NLRP11: variants seen among roughly 807,000 people sequenced by gnomAD.
NLRP11 encodes NLR family pyrin domain containing 11, also known as NACHT, LRR and PYD domains-containing protein 11.
Under a neutral mutation model 79.3 loss-of-function variants are expected in NLRP11, and 53 were observed. The ratio of observed to expected loss-of-function variants is 0.67; its 90% CI spans 0.54 to 0.84. NLRP11 has a LOEUF of 0.84. Among genes scored for constraint, NLRP11 ranks in the 40% least tolerant of loss-of-function variants. NLRP11 has a pLI of 0.00. For synonymous variants in NLRP11, 518 were observed against 462.6 expected, an observed-to-expected ratio of 1.12 and a Z score of -1.54; for missense variants, 1,264 against 1,255.0, an observed-to-expected ratio of 1.01 and a Z score of -0.11.
intron 4 of NLRP11, among the ~76,000 whole-genome samples, chr19:55,804,841 G>C (rs1207510025): frequency 6.6e-6 from 1 of 152,084 alleles, no homozygotes; most frequent in African/African-American, 2.4e-5. Flanking sequence ...GAGACAGGTG[G>C]ATCACGAGGT....
rs373030640 is a variant in NLRP11 at position 55,809,379 on chromosome 19, T to C, written c.1231A>G (p.Asn411Asp). The C allele has an allele frequency of 2.5e-6, 4 of 1,614,124 alleles. No homozygotes were observed. Among genetic ancestry groups the C allele is most frequent in the Admixed American group, 1.7e-5 (1 of 60,010 alleles). Residue 411 changes from asparagine to aspartate, a missense_variant, in exon 3 of 10, where the codon AAT becomes GAT. Physicochemically the swap from Asn to Asp is conservative, Grantham distance 23. Transcript: ENST00000589093. The surrounding 1 kb of genome is among the most constrained non-coding windows in gnomAD (Gnocchi z 4.5). ...CATCTGAGGTCTTCACCACTGAAAT[T>C]CAGGGTGCTCAGAAACAGTCCTCCT...
intron 6 of NLRP11, among the ~76,000 whole-genome samples, chr19:55,794,962 G>T (rs1336231346): frequency 6.6e-6 from 1 of 152,060 alleles, no homozygotes; most frequent in African/African-American, 2.4e-5. Context: ...GCCAAAAATG[G>T]GCGAAACAAA....
In NLRP11 at chr19:55,824,066, C is replaced by T. The variant is rs1279225414; in HGVS notation, c.-62-5830G>A. ...CCCATCAGACTAACAGCAGATCTCTCGGCAGAAACCCTACAAGCCAGAAGA... is the reference window on the plus strand; with the variant it reads ...CCCATCAGACTAACAGCAGATCTCTTGGCAGAAACCCTACAAGCCAGAAGA... On this transcript the variant is annotated intron_variant, in intron 1 of 9. Transcript: ENST00000589093. Among the ~76,000 whole-genome samples the T allele has an allele frequency of 4.5e-4, 49 of 107,954 alleles. 10 individuals carry two copies. Among genetic ancestry groups the T allele is most frequent in the African/African-American group, 2.2e-3 (44 of 19,648 alleles). The allele number at this position is 107,954 out of a possible 152,430, so 70.8% of individuals were successfully genotyped here.
intron 5 of NLRP11, 25 bp from the exon 6 acceptor site, chr19:55,796,275 A>G (rs747841772): frequency 5.0e-6 from 8 of 1,599,408 alleles, no homozygotes; most frequent in Middle Eastern, 3.4e-4. Flanking sequence ...CAGAAATGAA[A>G]AGAGGCTCCC....
At chr19:55,794,805 A>G (rs1325876075) in intron 6 of NLRP11, among the ~76,000 whole-genome samples, 3 of 152,232 alleles carry the variant, frequency 2.0e-5, no homozygotes, top group Non-Finnish European at 2.9e-5. Flanking sequence ...ATATTACATA[A>G]TATGAACAGG....
In NLRP11 at chr19:55,829,127, CAG is replaced by C. The variant is rs986055851; in HGVS notation, c.-63+2834_-63+2835del. Among the ~76,000 whole-genome samples, 53 of 151,658 alleles carry C rather than the reference CAG, an allele frequency of 3.5e-4. 2 individuals are homozygous for C. The highest frequency in any genetic ancestry group is 3.3e-3 in the Admixed American group (51 of 15,224). ...GAGGGTATGAAATGTTGGTGTAAAA[CAG>C]TGTTTTGCCTTTTGAGAAAAGTAAG... On this transcript the variant is annotated intron_variant, in intron 1 of 9. Coordinates refer to ENST00000589093, the Ensembl canonical transcript of NLRP11.
rs1444762625 is a variant in NLRP11 at position 55,793,226 on chromosome 19, T to C, written c.2343-755A>G. Among the ~76,000 whole-genome samples the C allele has an allele frequency of 2.6e-5, 4 of 152,164 alleles. No homozygotes were observed. In the East Asian group the frequency reaches 5.8e-4, roughly 22 times the overall value. ...CGTTTTCTGTTTGCCCTGGGAATAC[T>C]GCACTGGCAGTGAGCTGCACTTTTT... On this transcript the variant is annotated intron_variant, in intron 6 of 9. Coordinates refer to ENST00000589093, the Ensembl canonical transcript of NLRP11.
intron 1 of NLRP11, among the ~76,000 whole-genome samples, chr19:55,830,270 T>A (rs1339505941): frequency 6.6e-6 from 1 of 152,146 alleles, no homozygotes. Context: ...CTCCTTTGAC[T>A]TCTATTTCAC....
At position 55,809,939 on chromosome 19, in the gene NLRP11, A is replaced by G; in HGVS notation, c.671T>C (p.Leu224Pro). The G allele has an allele frequency of 6.2e-7, 1 of 1,614,122 alleles. No individual in the cohort carries two copies. The highest frequency in any genetic ancestry group is 8.5e-7 in the Non-Finnish European group (1 of 1,179,994). Residue 224 changes from leucine to proline, a missense_variant, in exon 3 of 10, where the codon CTC becomes CCC. Physicochemically the swap from Leu to Pro is moderately conservative, Grantham distance 98 (BLOSUM62 -3). Transcript: ENST00000589093. The surrounding 1 kb of genome is among the most constrained non-coding windows in gnomAD (Gnocchi z 4.5). ...GTCCAAGTCCTCGAGGATGAAAAGG[A>G]GTTTCTTGGGATCAGACAGGATGTC...
chr19:55,788,519 T>A (rs751937357), intron 9 of NLRP11, among the ~76,000 whole-genome samples: 1 of 151,384 alleles, frequency 6.6e-6, no homozygotes. Context: ...GGTGGACAGA[T>A]CATGAGGTCA....
intron 4 of NLRP11, among the ~76,000 whole-genome samples, chr19:55,805,838 C>A (rs1158291864): frequency 2.6e-5 from 4 of 152,206 alleles, no homozygotes; most frequent in African/African-American, 9.7e-5. Flanking sequence ...CTGCACCCGC[C>A]CTAAAAGTCT....
intron 4 of NLRP11, among the ~76,000 whole-genome samples, chr19:55,806,681 T>C (rs1289742867): frequency 2.0e-5 from 3 of 152,142 alleles, no homozygotes; most frequent in African/African-American, 7.2e-5. Flanking sequence ...AATTATGGCA[T>C]CTCTGCTCAA....
intron 1 of NLRP11, among the ~76,000 whole-genome samples, chr19:55,829,813 A>G (rs549634674): frequency 1.9e-4 from 29 of 152,270 alleles, no homozygotes; most frequent in African/African-American, 6.5e-4. Flanking sequence ...TCCTGAACTC[A>G]AAAGTCAATG....
intron 2 of NLRP11, among the ~76,000 whole-genome samples, chr19:55,811,999 G>A (rs962177693): frequency 1.6e-5 from 2 of 125,590 alleles, no homozygotes; most frequent in African/African-American, 6.9e-5. Flanking sequence ...ACACACACAC[G>A]TAAGAGAATA....
chr19:55,797,568 T>C (rs1156467890), intron 5 of NLRP11, among the ~76,000 whole-genome samples: 2 of 152,192 alleles, frequency 1.3e-5, no homozygotes, highest in African/African-American at 4.8e-5. Context: ...TAGTAGATGA[T>C]CAGTTCTTTA....
chr19:55,801,813 T>A, intron 4 of NLRP11, 74 bp from the exon 5 acceptor site: 1 of 1,241,268 alleles, frequency 8.1e-7, no homozygotes, highest in Non-Finnish European at 1.2e-6. Flanking sequence ...CCTGCCTGCC[T>A]CACTTCATCC....
chr19:55,810,823 GAATAAAACCT>G (rs1416133716), intron 2 of NLRP11, among the ~76,000 whole-genome samples: 3 of 152,170 alleles, frequency 2.0e-5, no homozygotes, highest in African/African-American at 7.2e-5. Flanking sequence ...GAAAAAGGTT[GAATAAAACCT>G]ATTCAACTCA....
intron 6 of NLRP11, among the ~76,000 whole-genome samples, chr19:55,793,438 T>G (rs1978477293): frequency 6.6e-6 from 1 of 151,206 alleles, no homozygotes; most frequent in African/African-American, 2.4e-5. Flanking sequence ...CATAGTGGTG[T>G]GCACCTGTAG....
intron 9 of NLRP11, among the ~76,000 whole-genome samples, chr19:55,787,464 G>A (rs1442984499): frequency 1.3e-5 from 2 of 152,132 alleles, no homozygotes; most frequent in African/African-American, 4.8e-5. Flanking sequence ...AGCCTCCCGA[G>A]TAGCTGGGAT....
Sources: gnomAD v4.1 joint callset for allele counts (sites outside exome capture counted in the v4.1 genomes callset) on GRCh38, gnomAD v4.1.1 for gene constraint, Gnocchi (gnomAD v3.1) non-coding constraint, MANE v1.5 for transcripts, NCBI Gene and HGNC (gene_info 2026-07-23, HGNC 2026-07-21) for gene names.